The following RARB variants were observed in gnomAD, a reference collection of about 807,000 sequenced individuals.
RARB encodes retinoic acid receptor beta, also known as HBV-activated protein.
In RARB, 17 loss-of-function variants were observed where a neutral mutation model predicts 51.9. The ratio of observed to expected loss-of-function variants is 0.33; its 90% CI spans 0.22 to 0.49. The LOEUF (loss-of-function observed/expected upper bound fraction) is 0.49. Ranked by LOEUF, RARB falls within the 20% of genes least tolerant of loss-of-function variation. RARB has a pLI of 0.99. For synonymous variants in RARB, 215 were observed against 195.4 expected (o/e 1.10, Z -0.84); for missense variants, 369 against 550.8 (o/e 0.67, Z 3.30).
At chr3:25,266,662 C>T (rs760535982) in intron 5 of RARB, among the ~76,000 whole-genome samples, 17 of 152,084 alleles carry the variant, frequency 1.1e-4, no homozygotes, top group Non-Finnish European at 2.4e-4. Flanking sequence ...ACCCCTGTGA[C>T]TGAATTGGAA....
chr3:25,506,274 A>G (rs865876871), intron 3 of RARB, among the ~76,000 whole-genome samples: 7,660 of 150,160 alleles, frequency 0.051, 255 homozygotes, highest in Non-Finnish European at 0.076. Context: ...AAAAAAAAAA[A>G]AACCAGCTCT....
rs563301339 is a variant in RARB at position 25,076,948 on chromosome 3, A to T, written c.-328+16772A>T. Reference sequence around the variant, plus strand: ...CCAATATGATGGGAGCTATAAATAAACATCATTGTAAGTGAGGACATCAGG... The same window carrying T: ...CCAATATGATGGGAGCTATAAATAATCATCATTGTAAGTGAGGACATCAGG... On this transcript the variant is annotated intron_variant, in intron 3 of 11. Transcript: ENST00000383772. Among the ~76,000 whole-genome samples, 99 of 152,294 alleles carry T rather than the reference A, an allele frequency of 6.5e-4. 1 individual carries two copies. The highest frequency in any genetic ancestry group is 3.4e-3 in the Middle Eastern group (1 of 294).
intron 3 of RARB, among the ~76,000 whole-genome samples, chr3:25,523,699 G>A (rs139059415): frequency 6.6e-6 from 1 of 152,240 alleles, no homozygotes; most frequent in East Asian, 1.9e-4. Context: ...CTTAACGAAT[G>A]TTTTTTGAAA....
intron 2 of RARB, among the ~76,000 whole-genome samples, chr3:25,053,961 T>C (rs1337788748): frequency 6.6e-6 from 1 of 152,158 alleles, no homozygotes; most frequent in Non-Finnish European, 1.5e-5. Flanking sequence ...CCATTCATCC[T>C]ACAGATATGG....
chr3:25,274,341 A>ACC, intron 5 of RARB, among the ~76,000 whole-genome samples: 1 of 152,168 alleles, frequency 6.6e-6, no homozygotes, highest in African/African-American at 2.4e-5. Context: ...ACACGCAACT[A>ACC]ATGGCCATAG....
chr3:24,873,513 T>C (rs540353659), intron 2 of RARB, among the ~76,000 whole-genome samples: 24 of 152,208 alleles, frequency 1.6e-4, no homozygotes, highest in Admixed American at 5.2e-4. Context: ...TACTGTGTTT[T>C]TCTTTTTTAG....
chr3:25,214,205 C>T (rs1701766349), intron 5 of RARB, among the ~76,000 whole-genome samples: 1 of 152,184 alleles, frequency 6.6e-6, no homozygotes, highest in Non-Finnish European at 1.5e-5. Flanking sequence ...TCCTTGGCTT[C>T]TTTGCTTTCT....
chr3:25,177,674 C>T (rs1017363612), intron 5 of RARB, among the ~76,000 whole-genome samples: 51 of 152,180 alleles, frequency 3.4e-4, no homozygotes, highest in Non-Finnish European at 1.5e-4. Flanking sequence ...TCACTCTTCT[C>T]TCATTCCCTT....
At chr3:24,904,395 A>G (rs111423152) in intron 2 of RARB, among the ~76,000 whole-genome samples, 7,381 of 152,306 alleles carry the variant, frequency 0.048, 331 homozygotes, top group East Asian at 0.17. Flanking sequence ...TATGCAGCCA[A>G]CAAACATATG....
chr3:24,890,214 A>G (rs1703351173), intron 2 of RARB, among the ~76,000 whole-genome samples: 2 of 152,122 alleles, frequency 1.3e-5, no homozygotes, highest in Admixed American at 1.3e-4. Flanking sequence ...TGCTGTCTGT[A>G]GTGGTTCAAT....
intron 3 of RARB, among the ~76,000 whole-genome samples, chr3:25,072,754 G>C (rs1698794313): frequency 6.6e-6 from 1 of 151,780 alleles, no homozygotes; most frequent in Admixed American, 6.6e-5. Context: ...TGTCGCCCAG[G>C]CTGGAGTGCA....
chr3:25,351,890 A>G (rs1705582051), intron 5 of RARB, among the ~76,000 whole-genome samples: 1 of 152,122 alleles, frequency 6.6e-6, no homozygotes, highest in Non-Finnish European at 1.5e-5. Context: ...GATTATGCTA[A>G]CCTTAACCAA....
chr3:24,846,314 T>A (rs572434373), intron 1 of RARB, among the ~76,000 whole-genome samples: 62 of 152,206 alleles, frequency 4.1e-4, no homozygotes, highest in Non-Finnish European at 5.1e-4. Context: ...GAATGTTAAG[T>A]ATTTAAGACA....
At chr3:25,466,694 A>G (rs1017290746) in intron 2 of RARB, among the ~76,000 whole-genome samples, 1 of 152,198 alleles carries the variant, frequency 6.6e-6, no homozygotes, top group Non-Finnish European at 1.5e-5. Context: ...TTACCCTAGT[A>G]CAGAGGTTGC....
chr3:25,595,052 G>C (rs974335745), intron 7 of RARB, among the ~76,000 whole-genome samples: 4 of 152,020 alleles, frequency 2.6e-5, no homozygotes, highest in African/African-American at 9.7e-5. Flanking sequence ...CTAAACCTTT[G>C]TTAAGTTTCT....
intron 5 of RARB, among the ~76,000 whole-genome samples, chr3:25,587,581 C>G (rs369958613): frequency 1.3e-5 from 2 of 152,144 alleles, no homozygotes; most frequent in African/African-American, 4.8e-5. Context: ...GTAACGGTAA[C>G]AAGGAACTCC....
At position 25,328,415 on chromosome 3, in the gene RARB, G is replaced by C. The variant is rs1378425591; in HGVS notation, c.179-132778G>C. Among the ~76,000 whole-genome samples, 3 of 152,230 alleles carry C rather than the reference G, an allele frequency of 2.0e-5. No individual in the cohort carries two copies. The East Asian group carries it at 5.8e-4, about 29-fold the overall frequency. ...CACACCTGTAATCCCAGCTACTAGAGAGGCTGAGGCAGAAGAATTGCTTGA... is the reference window on the plus strand; with the variant it reads ...CACACCTGTAATCCCAGCTACTAGACAGGCTGAGGCAGAAGAATTGCTTGA... On this transcript the variant is annotated intron_variant, in intron 5 of 11. Transcript: ENST00000383772.
rs554953335 is a variant in RARB, at chr3:25,098,716, C to CCA, written c.-327-33440_-327-33439dup. 3.6e-3 allele frequency among the ~76,000 whole-genome samples: 553 copies of CCA among 152,228 alleles called. 3 individuals carry two copies. The highest frequency in any genetic ancestry group is 0.013 in the African/African-American group (533 of 41,542). On this transcript the variant is annotated intron_variant, in intron 3 of 11. Coordinates refer to the RARB transcript ENST00000383772. The stretch of plus-strand genomic sequence containing the variant: ...AGTAGTTGAACAGAGATTGTCTGGC[C>CCA]CACACAGCCTTAAATATTTATAATC...
chr3:25,135,692 T>A (rs1700022118), intron 4 of RARB, among the ~76,000 whole-genome samples: 1 of 152,000 alleles, frequency 6.6e-6, no homozygotes, highest in African/African-American at 2.4e-5. Flanking sequence ...AAGACTTTTT[T>A]AAAAGCAAGT....
Sources: allele counts gnomAD v4.1 joint callset (sites outside exome capture counted in the v4.1 genomes callset), GRCh38; gene constraint gnomAD v4.1.1; transcripts MANE v1.5; gene names NCBI Gene and HGNC (gene_info 2026-07-23, HGNC 2026-07-21).